Variants in KCNMA1 observed in about 807,000 individuals in gnomAD.
The protein encoded by KCNMA1 is potassium calcium-activated channel subfamily M alpha 1.
KCNMA1 carries 29 observed loss-of-function variants against 140.0 expected under a neutral mutation model. The observed-to-expected ratio is 0.21, with a 90% CI of 0.15 to 0.28. The LOEUF (loss-of-function observed/expected upper bound fraction) is 0.28, where lower values mean the gene tolerates loss of function less well. KCNMA1 is among the 10% of genes least tolerant of loss of function. The pLI is 1.00. For synonymous variants in KCNMA1, 612 were observed against 611.9 expected, an observed-to-expected ratio of 1.00 and a Z score of 0.00; for missense variants, 880 against 1,602.2, an observed-to-expected ratio of 0.55 and a Z score of 7.70.
At chr10:77,439,590 A>T (rs1397507137) in intron 1 of KCNMA1, among the ~76,000 whole-genome samples, 1 of 152,184 alleles carries the variant, frequency 6.6e-6, no homozygotes, top group Non-Finnish European at 1.5e-5. Context: ...CCACCCCAAA[A>T]TATCTCCCTA....
intron 2 of KCNMA1, among the ~76,000 whole-genome samples, chr10:77,309,260 C>T (rs2078638530): frequency 6.6e-6 from 1 of 152,232 alleles, no homozygotes; most frequent in Admixed American, 6.5e-5. Flanking sequence ...CACGAGCCCA[C>T]AACCATCTAC....
At chr10:76,995,451 C>A in intron 19 of KCNMA1, 1 of 416,180 alleles carries the variant, frequency 2.4e-6, no homozygotes, top group Non-Finnish European at 5.0e-6. Context: ...TCCAAGCCTG[C>A]TCTAATTCAA....
chr10:77,017,661 G>C (rs2092307537), intron 17 of KCNMA1, among the ~76,000 whole-genome samples: 1 of 152,182 alleles, frequency 6.6e-6, no homozygotes. Context: ...GGATGGGGAG[G>C]AAGAGGACCC....
At chr10:77,090,872 C>T (rs898584178) in intron 9 of KCNMA1, 7 of 317,666 alleles carry the variant, frequency 2.2e-5, no homozygotes, top group African/African-American at 1.3e-4. Context: ...CCCTTTCTGC[C>T]CACAAAGCGT....
At chr10:77,191,472 T>G (rs998242927) in intron 3 of KCNMA1, among the ~76,000 whole-genome samples, 1 of 152,202 alleles carries the variant, frequency 6.6e-6, no homozygotes, top group Non-Finnish European at 1.5e-5. Context: ...CCATTTTACT[T>G]ATCTTATCAG....
intron 2 of KCNMA1, among the ~76,000 whole-genome samples, chr10:77,360,815 C>G (rs1370915119): frequency 6.6e-6 from 1 of 152,132 alleles, no homozygotes; most frequent in Non-Finnish European, 1.5e-5. Context: ...AAGCAGCAGT[C>G]GGAATCTCTG....
At chr10:76,998,333 A>G (rs1023646997) in intron 19 of KCNMA1, among the ~76,000 whole-genome samples, 3 of 152,184 alleles carry the variant, frequency 2.0e-5, no homozygotes, top group Non-Finnish European at 2.9e-5. Flanking sequence ...TTCCCCTTAT[A>G]AGAAAAAAAA....
chr10:77,288,188 C>A (rs1470955463), intron 2 of KCNMA1, among the ~76,000 whole-genome samples: 1 of 152,234 alleles, frequency 6.6e-6, no homozygotes, highest in African/African-American at 2.4e-5. Context: ...CTAAAAATTG[C>A]TTATTCTTGC....
At chr10:76,979,075 C>G (rs889070451) in intron 19 of KCNMA1, among the ~76,000 whole-genome samples, 1 of 152,176 alleles carries the variant, frequency 6.6e-6, no homozygotes, top group Non-Finnish European at 1.5e-5. Flanking sequence ...ATTTCCAGCC[C>G]TGAACACCAT....
At chr10:76,941,872 T>C (rs1216649277) in intron 23 of KCNMA1, among the ~76,000 whole-genome samples, 3 of 152,228 alleles carry the variant, frequency 2.0e-5, no homozygotes, top group East Asian at 1.9e-4. Context: ...GGCGCTGGCA[T>C]GTTCAGTCTC....
downstream of KCNMA1, chr10:76,884,080 A>G (rs965029822): frequency 1.8e-5 from 11 of 612,636 alleles, no homozygotes; most frequent in Non-Finnish European, 2.2e-5. Flanking sequence ...TCCCATCACA[A>G]TATCATCTCA....
intron 5 of KCNMA1, among the ~76,000 whole-genome samples, chr10:77,171,851 AC>A (rs1441210879): frequency 6.6e-6 from 1 of 152,178 alleles, no homozygotes; most frequent in Non-Finnish European, 1.5e-5. Flanking sequence ...TATTTTAGAT[AC>A]CTGAAATCTT....
intron 19 of KCNMA1, among the ~76,000 whole-genome samples, chr10:76,993,011 C>T (rs2083228024): frequency 6.6e-6 from 1 of 152,130 alleles, no homozygotes; most frequent in African/African-American, 2.4e-5. Flanking sequence ...GTCTCCTTGC[C>T]ATATACAGGG....
At chr10:77,076,670 A>T (rs2096407736) in intron 13 of KCNMA1, among the ~76,000 whole-genome samples, 1 of 152,222 alleles carries the variant, frequency 6.6e-6, no homozygotes, top group South Asian at 2.1e-4. Flanking sequence ...CTGGGATGCT[A>T]AAATGCACAG....
intron 3 of KCNMA1, among the ~76,000 whole-genome samples, chr10:77,230,683 C>T (rs534113434): frequency 1.3e-5 from 2 of 152,120 alleles, no homozygotes; most frequent in Non-Finnish European, 2.9e-5. Flanking sequence ...AAAAGAAGAA[C>T]AATATTGAGA....
intron 5 of KCNMA1, among the ~76,000 whole-genome samples, chr10:77,144,712 C>A (rs1219531453): frequency 6.6e-6 from 1 of 152,184 alleles, no homozygotes; most frequent in Non-Finnish European, 1.5e-5. Context: ...GATGCCTAAA[C>A]AGAGATCATC....
intron 2 of KCNMA1, among the ~76,000 whole-genome samples, chr10:77,284,526 T>TTGC (rs2069986792): frequency 6.6e-6 from 1 of 152,140 alleles, no homozygotes; most frequent in African/African-American, 2.4e-5. Flanking sequence ...ATTATTATTA[T>TTGC]TGCTCAAGAT....
chr10:77,063,384 G>GCA (rs2095828982), intron 14 of KCNMA1, among the ~76,000 whole-genome samples: 2 of 152,076 alleles, frequency 1.3e-5, no homozygotes, highest in Admixed American at 6.6e-5. Flanking sequence ...GGCGGAGGTT[G>GCA]CAGTGAGCCG....
intron 1 of KCNMA1, among the ~76,000 whole-genome samples, chr10:77,567,609 T>G (rs1303314321): frequency 1.3e-5 from 2 of 152,128 alleles, no homozygotes; most frequent in African/African-American, 4.8e-5. Context: ...CCAGATCCTT[T>G]CAAAAACTAT....
Sources: allele counts gnomAD v4.1 joint callset (sites outside exome capture counted in the v4.1 genomes callset), GRCh38; gene constraint gnomAD v4.1.1; transcripts MANE v1.5; gene names NCBI Gene and HGNC (gene_info 2026-07-23, HGNC 2026-07-21).